The following RANBP9 variants were observed in gnomAD, a reference collection of about 807,000 sequenced individuals.
The protein encoded by RANBP9 is RAN binding protein 9, also known as ran-binding protein 9.
In RANBP9, 15 loss-of-function variants were observed where a neutral mutation model predicts 84.3. The ratio of observed to expected loss-of-function variants is 0.18; its 90% CI spans 0.12 to 0.27. The LOEUF is 0.27. Among genes scored for constraint, RANBP9 ranks in the 10% least tolerant of loss-of-function variants. RANBP9 has a pLI of 1.00. For synonymous variants in RANBP9, 392 were observed against 349.6 expected, an observed-to-expected ratio of 1.12 and a Z score of -1.35; for missense variants, 809 against 912.8, an observed-to-expected ratio of 0.89 and a Z score of 1.46.
At chr6:13,681,859 C>A (rs7739153) in intron 2 of RANBP9, among the ~76,000 whole-genome samples, 1,968 of 151,918 alleles carry the variant, frequency 0.013, 44 homozygotes, top group African/African-American at 0.045. Context: ...CTGTGAAGTG[C>A]CTTCTTTCCT....
chr6:13,641,468 A>T (rs1352934262), intron 7 of RANBP9, among the ~76,000 whole-genome samples, 161 bp from the exon 8 acceptor site: 1 of 152,150 alleles, frequency 6.6e-6, no homozygotes, highest in African/African-American at 2.4e-5. Context: ...CAATCCAGGA[A>T]ACATTTCAGA....
At chr6:13,709,650 T>C (rs1758224204) in intron 1 of RANBP9, among the ~76,000 whole-genome samples, 1 of 152,242 alleles carries the variant, frequency 6.6e-6, no homozygotes, top group African/African-American at 2.4e-5. Context: ...CACTTGGAAG[T>C]ACTTCTTTGG....
intron 2 of RANBP9, among the ~76,000 whole-genome samples, chr6:13,680,059 T>A (rs1434877383): frequency 2.6e-5 from 4 of 152,104 alleles, no homozygotes; most frequent in Admixed American, 6.5e-5. Flanking sequence ...GGAGGAAATT[T>A]TTAAAATAAC....
intron 2 of RANBP9, among the ~76,000 whole-genome samples, chr6:13,685,936 A>C (rs559592670): frequency 1.3e-5 from 2 of 152,160 alleles, no homozygotes; most frequent in South Asian, 4.1e-4. Flanking sequence ...TCTCAAAAAA[A>C]AAAAAAAGAG....
intron 2 of RANBP9, among the ~76,000 whole-genome samples, chr6:13,679,749 C>T (rs1765985228): frequency 6.6e-6 from 1 of 152,254 alleles, no homozygotes; most frequent in African/African-American, 2.4e-5. Flanking sequence ...ATTCTATAAA[C>T]ATTACAGGTT....
intron 2 of RANBP9, among the ~76,000 whole-genome samples, chr6:13,667,038 G>A (rs1765666490): frequency 6.6e-6 from 1 of 151,990 alleles, no homozygotes; most frequent in South Asian, 2.1e-4. Flanking sequence ...CAACAGTGAG[G>A]GACAGGCAAA....
chr6:13,632,695 T>A, intron 11 of RANBP9, 174 bp from the exon 12 acceptor site: 1 of 632,454 alleles, frequency 1.6e-6, no homozygotes, highest in Non-Finnish European at 2.7e-6. Context: ...CTAAAAGATA[T>A]ACTTTATTTA....
intron 4 of RANBP9, among the ~76,000 whole-genome samples, chr6:13,656,497 AACTT>A (rs574948516): frequency 3.9e-5 from 6 of 152,172 alleles, no homozygotes; most frequent in Non-Finnish European, 7.4e-5. Flanking sequence ...TGAAAATCTT[AACTT>A]ACTATTAGTC....
chr6:13,624,633 A>G (rs1764548990), intron 13 of RANBP9, among the ~76,000 whole-genome samples: 1 of 152,256 alleles, frequency 6.6e-6, no homozygotes, highest in Non-Finnish European at 1.5e-5. Context: ...ATTCATATAA[A>G]AAGTACTTGT....
chr6:13,627,682 G>C (rs185491681), intron 12 of RANBP9, among the ~76,000 whole-genome samples: 452 of 148,088 alleles, frequency 3.1e-3, no homozygotes, highest in African/African-American at 0.01. Flanking sequence ...ACTGAGCTTT[G>C]CTCAAGACTT....
chr6:13,637,861 T>C lies in RANBP9; in HGVS notation c.1620A>G (p.Pro540=). The change falls in exon 10 of 14, where the codon CCA becomes CCG. Residue 540 remains proline (P), a synonymous_variant. Transcript: ENST00000011619. The part of the protein sequence containing the change: ...NKHQSSNLNV[P]ELNSINMSRS... The stretch of plus-strand genomic sequence containing the variant: ...TTGACATATTTATACTGTTTAGTTC[T>C]GGTACATTCAAGTTGGATGACTGGT... 1.9e-6 allele frequency: 3 copies of C among 1,610,820 alleles called. No homozygotes were observed. Among genetic ancestry groups the C allele is most frequent in the Non-Finnish European group, 2.5e-6 (3 of 1,177,466 alleles).
chr6:13,646,940 T>C (rs1765185843), intron 5 of RANBP9, among the ~76,000 whole-genome samples: 1 of 152,220 alleles, frequency 6.6e-6, no homozygotes. Context: ...TGAACATTTT[T>C]AATGCGCACT....
rs138102067 is a variant in RANBP9, at chr6:13,655,064, C to T, written c.904+2045G>A. 4.2e-3 allele frequency among the ~76,000 whole-genome samples: 647 copies of T among 152,358 alleles called. 3 individuals carry two copies. Among genetic ancestry groups the T allele is most frequent in the African/African-American group, 0.015 (618 of 41,584 alleles). On this transcript the variant is annotated intron_variant, in intron 4 of 13. Transcript: ENST00000011619. ...TACCTGGCATAGGCCGGGAGTCAATCCCAGGCAAGTCTGACTAAAGAACTC... is the reference window on the plus strand; with the variant it reads ...TACCTGGCATAGGCCGGGAGTCAATTCCAGGCAAGTCTGACTAAAGAACTC...
chr6:13,667,965 C>T (rs1240964243), intron 2 of RANBP9, among the ~76,000 whole-genome samples: 1 of 151,688 alleles, frequency 6.6e-6, no homozygotes, highest in East Asian at 1.9e-4. Flanking sequence ...GAACTAAACC[C>T]AAAGCAGGTA....
At chr6:13,629,538 A>G (rs1764716572) in intron 12 of RANBP9, among the ~76,000 whole-genome samples, 1 of 152,182 alleles carries the variant, frequency 6.6e-6, no homozygotes, top group Non-Finnish European at 1.5e-5. Flanking sequence ...AATTGTACTC[A>G]TATTTGGTTT....
chr6:13,647,418 C>T (rs1765194740), intron 5 of RANBP9, among the ~76,000 whole-genome samples: 1 of 151,894 alleles, frequency 6.6e-6, no homozygotes, highest in Admixed American at 6.6e-5. Flanking sequence ...TATAATTGAT[C>T]AATTGTGGTA....
intron 4 of RANBP9, among the ~76,000 whole-genome samples, chr6:13,656,894 A>G (rs1014693681): frequency 3.9e-5 from 6 of 152,128 alleles, no homozygotes; most frequent in African/African-American, 1.4e-4. Context: ...TAACTCCTAT[A>G]CATATATGTA....
chr6:13,709,739 A>G (rs1758226066), intron 1 of RANBP9, among the ~76,000 whole-genome samples: 1 of 152,212 alleles, frequency 6.6e-6, no homozygotes, highest in African/African-American at 2.4e-5. Context: ...CATTTGGTAG[A>G]TTTCTATTGC....
intron 1 of RANBP9, among the ~76,000 whole-genome samples, chr6:13,708,723 TTGCTAC>T (rs755869909): frequency 1.6e-4 from 25 of 152,076 alleles, no homozygotes; most frequent in Non-Finnish European, 3.1e-4. Flanking sequence ...TACTTCTCCT[TTGCTAC>T]TGCTACTGCT....
Sources: allele counts gnomAD v4.1 joint callset (sites outside exome capture counted in the v4.1 genomes callset), GRCh38; gene constraint gnomAD v4.1.1; transcripts MANE v1.5; gene names NCBI Gene and HGNC (gene_info 2026-07-23, HGNC 2026-07-21).